The following PPP1R13L variants were observed in gnomAD, a reference collection of about 807,000 sequenced individuals.
The protein encoded by PPP1R13L is relA-associated inhibitor.
A neutral mutation model predicts 80.9 loss-of-function variants in PPP1R13L; 50 were observed. That is an observed-to-expected ratio of 0.62 (90% CI 0.49 to 0.78). The LOEUF is 0.78. PPP1R13L is among the 30% of genes least tolerant of loss of function. PPP1R13L has a pLI of 0.00. For missense variants in PPP1R13L, 1,200 were observed against 1,205.9 expected, an observed-to-expected ratio of 1.00 and a Z score of 0.07; for synonymous variants, 602 against 534.3, an observed-to-expected ratio of 1.13 and a Z score of -1.75.
In PPP1R13L at chr19:45,382,996, C is replaced by CTTT. The variant is rs60366714; in HGVS notation, c.2249-273_2249-271dup. On this transcript the variant is annotated intron_variant, in intron 11 of 12. Coordinates refer to ENST00000360957, the MANE Select transcript of PPP1R13L (RefSeq NM_006663.4). ...TCAGAGGCTCCCATTTCTTTTCTTT[C>CTTT]TTTTTTTTTTTTTTTTGAGACAGAG... 3.0e-3 allele frequency among the ~76,000 whole-genome samples: 377 copies of CTTT among 126,262 alleles called. 13 individuals are homozygous for CTTT. Among genetic ancestry groups the CTTT allele is most frequent in the African/African-American group, 0.01 (319 of 31,844 alleles). The allele number at this position is 126,262 out of a possible 152,430, so 82.8% of individuals were successfully genotyped here.
chr19:45,406,311 A>G, upstream of PPP1R13L: 2 of 1,102,526 alleles, frequency 1.8e-6, no homozygotes, highest in Non-Finnish European at 2.2e-6. The surrounding 1 kb of genome is among the most constrained non-coding windows in gnomAD (Gnocchi z 4.2). Context: ...CAAGAATTTC[A>G]GACCAATCGA....
intron 12 of PPP1R13L, 86 bp downstream of exon 12, chr19:45,382,441 G>C: frequency 1.8e-5 from 27 of 1,482,958 alleles, no homozygotes; most frequent in Non-Finnish European, 2.3e-5. Context: ...GTTTGTTCCT[G>C]TTGCCTCTTC....
At chr19:45,394,848 C>G in intron 7 of PPP1R13L, 1 of 110,946 alleles carries the variant, frequency 9.0e-6, no homozygotes, top group South Asian at 2.8e-4. Context: ...CATTATTTGC[C>G]TTTTTTTTTT....
intron 2 of PPP1R13L, 49 bp from the exon 3 acceptor site, chr19:45,398,196 G>A (rs751962858): frequency 6.2e-7 from 1 of 1,612,382 alleles, no homozygotes; most frequent in Admixed American, 1.7e-5. Context: ...GGCAGGGGCC[G>A]GCCTCAGCAC....
At chr19:45,385,478 C>T in intron 11 of PPP1R13L, 84 bp downstream of exon 11, 1 of 1,412,022 alleles carries the variant, frequency 7.1e-7, no homozygotes, top group Admixed American at 2.3e-5. Context: ...CCATACCCTT[C>T]TCTCCCTAGT....
chr19:45,399,664 C>G (rs1973193561), intron 1 of PPP1R13L, among the ~76,000 whole-genome samples: 1 of 148,462 alleles, frequency 6.7e-6, no homozygotes, highest in Admixed American at 6.8e-5. Context: ...ACAACAACAA[C>G]AATAACCAGC....
chr19:45,380,095 G>C lies in PPP1R13L; in HGVS notation c.*95C>G. On this transcript the variant is annotated 3_prime_UTR_variant, in exon 13 of 13. Coordinates refer to ENST00000360957, the MANE Select transcript of PPP1R13L (RefSeq NM_006663.4). ...AAGGACCACCACCAGCAGGGTGAGG[G>C]GTGCAGATAAAGGCAGCAAAAAACA... is the stretch of plus-strand genomic sequence containing the variant. 7.3e-7 allele frequency: 1 copy of C among 1,367,856 alleles called. No homozygotes were observed. Among genetic ancestry groups the C allele is most frequent in the Middle Eastern group, 1.8e-4 (1 of 5,462 alleles). The allele number at this position is 1,367,856 out of a possible 1,614,324, so 84.7% of individuals were successfully genotyped here.
At chr19:45,395,267 C>A in intron 7 of PPP1R13L, 169 bp downstream of exon 7, 1 of 879,246 alleles carries the variant, frequency 1.1e-6, no homozygotes, top group South Asian at 1.5e-5. Flanking sequence ...TTTGAGCTAT[C>A]CCTGGCTCCT....
rs1315086652 is a variant in PPP1R13L, at chr19:45,396,616, G to T, written c.641C>A (p.Pro214Gln). 2.7e-6 allele frequency: 4 copies of T among 1,495,390 alleles called. No homozygotes were observed. The African/African-American group carries it at 4.2e-5, about 16-fold the overall frequency. The allele number at this position is 1,495,390 out of a possible 1,614,324, so 92.6% of individuals were successfully genotyped here. Residue 214 changes from proline (P) to glutamine (Q), a missense_variant, in exon 4 of 13, where the codon CCA becomes CAA. This residue lies in a region of PPP1R13L where 764 missense variants were observed against 714.5 expected (regional missense o/e 1.07). Coordinates refer to ENST00000360957, the MANE Select transcript of PPP1R13L (RefSeq NM_006663.4). This position sits in a 1 kb window ranked among gnomAD's most constrained non-coding sequence, Gnocchi z 5.3. ...CAGGGAGCTCCCGAAGGCGGACGCT[G>T]GCGCGTCGTAGGCTGTGGCAGGGGG... ...PRPPATAYDA[P>Q]ASAFGSSLLG...
At chr19:45,390,179 C>T (rs1286926587) in intron 8 of PPP1R13L, among the ~76,000 whole-genome samples, 1 of 152,126 alleles carries the variant, frequency 6.6e-6, no homozygotes, top group African/African-American at 2.4e-5. Context: ...CAACCTCCGC[C>T]TTCCGGGTTT....
rs191291530 is a variant in PPP1R13L, at chr19:45,385,268, G to A, written c.2248+294C>T. Among the ~76,000 whole-genome samples the A allele has an allele frequency of 3.5e-4, 54 of 152,296 alleles. No homozygotes were observed. In the East Asian group the frequency reaches 7.1e-3, roughly 20 times the overall value. ...GCCAGGTAGATGGCAGGGTTGAAAC[G>A]TTCAGCTCCTCACCCTTGAAGATGT... On this transcript the variant is annotated intron_variant, in intron 11 of 12. Coordinates refer to ENST00000360957, the MANE Select transcript of PPP1R13L (RefSeq NM_006663.4).
chr19:45,396,137 A>G lies in PPP1R13L; in HGVS notation c.903+31T>C, dbSNP rs1973084504. ...CCCACCCCACTCCTCGACCTTCCCC[A>G]GCCTCTCCTCCCCAGGCGTCGCCTC... is the stretch of plus-strand genomic sequence containing the variant. On this transcript the variant is annotated intron_variant, in intron 6 of 12. Transcript: ENST00000360957. This position sits in a 1 kb window ranked among gnomAD's most constrained non-coding sequence, Gnocchi z 5.3. The G allele has an allele frequency of 2.6e-6, 4 of 1,565,964 alleles. No individual in the cohort carries two copies. The highest frequency in any genetic ancestry group is 2.6e-6 in the Non-Finnish European group (3 of 1,156,510).
At position 45,401,120 on chromosome 19, in the gene PPP1R13L, A is replaced by C. The variant is rs1973223862; in HGVS notation, c.-21-2781T>G. On this transcript the variant is annotated intron_variant, in intron 1 of 12. Coordinates refer to ENST00000360957, the MANE Select transcript of PPP1R13L (RefSeq NM_006663.4). ...AACATTTTGTACACTTTGGGAGGCT[A>C]AGGCGGGAGGATCACGAGGTCAGGA... 2.0e-5 allele frequency among the ~76,000 whole-genome samples: 3 copies of C among 151,002 alleles called. No homozygotes were observed. The South Asian group carries it at 6.3e-4, about 32-fold the overall frequency.
intron 8 of PPP1R13L, among the ~76,000 whole-genome samples, chr19:45,387,533 T>C (rs929108145): frequency 4.6e-5 from 7 of 152,142 alleles, no homozygotes; most frequent in Non-Finnish European, 8.8e-5. Context: ...AGAACTTTAA[T>C]ATTTTTCTGT....
rs35511648 is a variant in PPP1R13L at position 45,391,868 on chromosome 19, T to C, written c.1815+12A>G. 29,944 of 1,462,044 alleles carry C rather than the reference T, an allele frequency of 0.02. 2,010 individuals are homozygous for C. The highest frequency in any genetic ancestry group is 0.2 in the African/African-American group (14,025 of 70,156). 90.6% of individuals were successfully genotyped at this position (1,462,044 alleles called of 1,614,324 possible). ...TAGCAAACATACCCCGGTTTCCTCC[T>C]GTATTACTTACCATGCTCTGCGGCT... On this transcript the variant is annotated intron_variant, in intron 8 of 12. Coordinates refer to ENST00000360957, the MANE Select transcript of PPP1R13L (RefSeq NM_006663.4).
At chr19:45,384,752 G>C (rs1042385048) in intron 11 of PPP1R13L, among the ~76,000 whole-genome samples, 5 of 151,376 alleles carry the variant, frequency 3.3e-5, no homozygotes, top group Non-Finnish European at 7.4e-5. Flanking sequence ...TACTCAAGAG[G>C]CTGAGGCAGA....
At position 45,398,195 on chromosome 19, in the gene PPP1R13L, C is replaced by G. The variant is rs758916225; in HGVS notation, c.56-48G>C. 2.5e-6 allele frequency: 4 copies of G among 1,612,442 alleles called. No homozygotes were observed. The East Asian group carries it at 8.9e-5, about 36-fold the overall frequency. ...AAGGACCTGGCCTCCTGGCAGGGGC[C>G]GGCCTCAGCACCCCTCGCCCGCTGC... On this transcript the variant is annotated intron_variant, in intron 2 of 12. Coordinates refer to ENST00000360957, the MANE Select transcript of PPP1R13L (RefSeq NM_006663.4).
intron 1 of PPP1R13L, 77 bp from the exon 2 acceptor site, chr19:45,398,416 A>G (rs1190031725): frequency 1.4e-6 from 2 of 1,424,476 alleles, no homozygotes; most frequent in Non-Finnish European, 1.9e-6. Flanking sequence ...AGACGCCGTC[A>G]GGAGCGGGAC....
At chr19:45,388,969 C>G (rs551708506) in intron 8 of PPP1R13L, among the ~76,000 whole-genome samples, 9 of 151,988 alleles carry the variant, frequency 5.9e-5, no homozygotes, top group Non-Finnish European at 1.3e-4. Flanking sequence ...AACTCCTGAC[C>G]TCAAGTGATC....
Sources: allele counts gnomAD v4.1 joint callset (sites outside exome capture counted in the v4.1 genomes callset), GRCh38; gene constraint gnomAD v4.1.1; regional missense constraint gnomAD v4.1.1; non-coding constraint Gnocchi (gnomAD v3.1); transcripts MANE v1.5; gene names NCBI Gene and HGNC (gene_info 2026-07-23, HGNC 2026-07-21).